PDC: variants seen among roughly 807,000 people sequenced by gnomAD.
The protein encoded by PDC is phosducin.
In PDC, 19 loss-of-function variants were observed where a neutral mutation model predicts 22.2. The ratio of observed to expected loss-of-function variants is 0.86; its 90% confidence interval spans 0.60 to 1.26. The LOEUF is 1.26. PDC is among the 50% of genes most tolerant of loss of function. PDC has a pLI of 0.00. For synonymous variants in PDC, 97 were observed against 96.2 expected, an observed-to-expected ratio of 1.01 and a Z score of -0.05; for missense variants, 274 against 286.8, an observed-to-expected ratio of 0.96 and a Z score of 0.32.
At position 186,444,433 on chromosome 1, in the gene PDC, T is replaced by C; in HGVS notation, c.287A>G (p.Gln96Arg). The stretch of plus-strand genomic sequence containing the variant: ...CTTCTGGTGCATATCCTGCATACAC[T>C]GTCTACGGTATTTACGAAGGCAGTT... ...DENCLRKYRRQCMQDMHQKLS... is the reference protein window; with the variant it reads ...DENCLRKYRRRCMQDMHQKLS... Residue 96 changes from glutamine to arginine, a missense_variant, in exon 4 of 4, where the codon CAG becomes CGG. Physicochemically the swap from Gln to Arg is conservative, Grantham distance 43. Transcript: ENST00000391997. 1 of 1,613,134 alleles carries C rather than the reference T, an allele frequency of 6.2e-7. No individual in the cohort carries two copies. Among genetic ancestry groups the C allele is most frequent in the East Asian group, 2.2e-5 (1 of 44,870 alleles).
intron 1 of PDC, among the ~76,000 whole-genome samples, chr1:186,459,806 G>A (rs1406939441): frequency 3.0e-5 from 4 of 132,980 alleles, no homozygotes; most frequent in Non-Finnish European, 6.4e-5. Context: ...ATAGTTAGAA[G>A]CTATTTTTGC....
At chr1:186,460,138 C>T (rs780083166) in intron 1 of PDC, among the ~76,000 whole-genome samples, 14 of 152,154 alleles carry the variant, frequency 9.2e-5, no homozygotes, top group Non-Finnish European at 2.1e-4. Flanking sequence ...CATGCCTTAG[C>T]GCCGGATGAA....
Position 186,444,055 on chromosome 1 carries a change from T to C in PDC, c.665A>G (p.Asn222Ser). 2 of 1,613,030 alleles carry C rather than the reference T, an allele frequency of 1.2e-6. No homozygotes were observed. Among genetic ancestry groups the C allele is most frequent in the Non-Finnish European group, 1.7e-6 (2 of 1,178,990 alleles). The change falls in exon 4 of 4, where the codon AAT becomes AGT. Residue 222 changes from asparagine to serine, a missense_variant. Physicochemically the swap from Asn to Ser is conservative, Grantham distance 46. Transcript: ENST00000391997. ...TCTTTCAGGTAGTAACCCATATTCATTTAGGAAAGACTCCACATCCCCAGC... is the reference window on the plus strand; with the variant it reads ...TCTTTCAGGTAGTAACCCATATTCACTTAGGAAAGACTCCACATCCCCAGC... ...FFAGDVESFL[N>S]EYGLLPEREV... is the part of the protein sequence containing the mutation.
chr1:186,455,960 C>T (rs1379692257), intron 1 of PDC, among the ~76,000 whole-genome samples: 8 of 101,904 alleles, frequency 7.9e-5, no homozygotes, highest in African/African-American at 2.3e-4. Flanking sequence ...CAACAGAGCG[C>T]GACTCCGTCT....
At chr1:186,460,883 TGAAA>T (rs1662568832) in intron 1 of PDC, among the ~76,000 whole-genome samples, 172 bp downstream of exon 1, 1 of 152,234 alleles carries the variant, frequency 6.6e-6, no homozygotes, top group African/African-American at 2.4e-5. Context: ...TGGAAATCAC[TGAAA>T]GAGAGAAGGA....
At chr1:186,449,790 A>G (rs1362532205) in intron 1 of PDC, among the ~76,000 whole-genome samples, 1 of 152,172 alleles carries the variant, frequency 6.6e-6, no homozygotes, top group Non-Finnish European at 1.5e-5. Context: ...TGGTTAGTGA[A>G]CATTATTTAT....
intron 2 of PDC, among the ~76,000 whole-genome samples, chr1:186,448,178 T>C (rs1209742103): frequency 1.3e-5 from 2 of 152,202 alleles, no homozygotes; most frequent in East Asian, 1.9e-4. Flanking sequence ...TAAAATTCCC[T>C]GGTCAAAGGG....
intron 1 of PDC, among the ~76,000 whole-genome samples, chr1:186,460,214 G>T (rs1403774966): frequency 6.6e-6 from 1 of 152,116 alleles, no homozygotes; most frequent in Non-Finnish European, 1.5e-5. Context: ...GTCAACCTTG[G>T]TCCAAAAATA....
chr1:186,455,986 A>T (rs1662457800), intron 1 of PDC, among the ~76,000 whole-genome samples: 1 of 90,378 alleles, frequency 1.1e-5, no homozygotes, highest in Non-Finnish European at 2.0e-5. Flanking sequence ...AAAAAAAAAA[A>T]AAAAAAAAAT....
Position 186,446,448 on chromosome 1 carries a change from G to A in PDC, c.191C>T (p.Ser64Leu). 1.2e-6 allele frequency: 2 copies of A among 1,603,100 alleles called. No individual in the cohort carries two copies. The highest frequency in any genetic ancestry group is 1.7e-6 in the Non-Finnish European group (2 of 1,173,574). ...TACCTTTCTGCTGACTCGTTCCTTT[G>A]AATCTTTGCCATTCCTACTCTGAGG... ...SSPQSRNGKD[S>L]KERVSRKMSI... is the part of the protein sequence containing the mutation. Residue 64 changes from serine (S) to leucine (L), a missense_variant, in exon 3 of 4, where the codon TCA becomes TTA. Ser to Leu is a moderately radical substitution (Grantham distance 145, BLOSUM62 -2). Transcript: ENST00000391997.
At chr1:186,450,742 A>G (rs1032654994) in intron 1 of PDC, among the ~76,000 whole-genome samples, 3 of 152,216 alleles carry the variant, frequency 2.0e-5, no homozygotes, top group East Asian at 1.9e-4. Flanking sequence ...CTTTCATTCT[A>G]TCTGGTTCAC....
chr1:186,445,203 C>A (rs1662198379), intron 3 of PDC, among the ~76,000 whole-genome samples: 1 of 152,230 alleles, frequency 6.6e-6, no homozygotes, highest in Admixed American at 6.5e-5. Context: ...TATAAAGGAA[C>A]AATGGGGCAT....
At chr1:186,449,604 T>A (rs1662308290) in intron 1 of PDC, 121 bp from the exon 2 acceptor site, 2 of 489,518 alleles carry the variant, frequency 4.1e-6, no homozygotes, top group African/African-American at 3.8e-5. Flanking sequence ...ATTCCATAAG[T>A]AGGCTAAGGA....
intron 1 of PDC, among the ~76,000 whole-genome samples, chr1:186,455,806 A>C (rs1166512135): frequency 5.0e-5 from 7 of 139,586 alleles, no homozygotes; most frequent in Non-Finnish European, 1.1e-4. Context: ...CTAAAAAAAA[A>C]AAAAAAAAAA....
chr1:186,457,931 A>G (rs1315845099), intron 1 of PDC, among the ~76,000 whole-genome samples: 3 of 152,182 alleles, frequency 2.0e-5, no homozygotes, highest in Non-Finnish European at 4.4e-5. Context: ...AAACTATGAT[A>G]GAAATTTTGA....
intron 2 of PDC, 56 bp from the exon 3 acceptor site, chr1:186,446,633 G>T (rs987649352): frequency 5.6e-6 from 6 of 1,064,296 alleles, no homozygotes; most frequent in African/African-American, 4.7e-5. Flanking sequence ...AGGACTGTTG[G>T]CATAATTGAA....
chr1:186,449,184 T>C (rs911161374), intron 2 of PDC, among the ~76,000 whole-genome samples: 5 of 152,062 alleles, frequency 3.3e-5, no homozygotes, highest in African/African-American at 1.2e-4. Flanking sequence ...GTAATTGGTG[T>C]TTTTGTTTTT....
At chr1:186,459,863 CA>C (rs1217542683) in intron 1 of PDC, among the ~76,000 whole-genome samples, 6 of 146,518 alleles carry the variant, frequency 4.1e-5, no homozygotes, top group Non-Finnish European at 6.0e-5. Context: ...CACTCATTTT[CA>C]TGATGCAAAC....
chr1:186,447,736 T>C (rs1213863638), intron 2 of PDC, among the ~76,000 whole-genome samples: 1 of 152,018 alleles, frequency 6.6e-6, no homozygotes, highest in Non-Finnish European at 1.5e-5. Context: ...AAATTTGTTA[T>C]GAATGTGTTT....
Sources: gnomAD v4.1 joint callset for allele counts (sites outside exome capture counted in the v4.1 genomes callset) on GRCh38, gnomAD v4.1.1 for gene constraint, MANE v1.5 for transcripts, NCBI Gene and HGNC (gene_info 2026-07-23, HGNC 2026-07-21) for gene names.